OAS2: variants seen among roughly 807,000 people sequenced by gnomAD.
OAS2 encodes the protein 2'-5'-oligoadenylate synthetase 2.
In OAS2, 67 loss-of-function variants were observed where a neutral mutation model predicts 71.3. That is an observed-to-expected ratio of 0.94 (90% CI 0.77 to 1.15). OAS2 has a LOEUF of 1.15. Ranked by LOEUF, OAS2 falls within the 50% of genes most tolerant of loss-of-function variation. OAS2 has a pLI of 0.00. For missense variants in OAS2, 789 were observed against 822.5 expected (o/e 0.96, Z 0.50); for synonymous variants, 327 against 321.8 (o/e 1.02, Z -0.17).
Position 113,009,358 on chromosome 12 carries a change from G to C in OAS2, c.*103G>C. On this transcript the variant is annotated 3_prime_UTR_variant, in exon 10 of 10. Transcript: ENST00000392583. ...CTCAGACACAAATAAAGGAAACCCA[G>C]CTCACAGGAGCTTAAACAGCTGGTC... is the stretch of plus-strand genomic sequence containing the variant. 1 of 1,531,792 alleles carries C rather than the reference G, an allele frequency of 6.5e-7. No individual in the cohort carries two copies. Among genetic ancestry groups the C allele is most frequent in the South Asian group, 1.3e-5 (1 of 75,514 alleles). 94.9% of individuals were successfully genotyped at this position (1,531,792 alleles called of 1,614,324 possible).
intron 6 of OAS2, among the ~76,000 whole-genome samples, chr12:113,003,856 A>G (rs988716820): frequency 6.6e-6 from 1 of 152,240 alleles, no homozygotes; most frequent in African/African-American, 2.4e-5. Context: ...CAACTAGAGA[A>G]GAGGGGCCTG....
chr12:113,004,817 T>C (rs2044316026), intron 6 of OAS2, 117 bp from the exon 7 acceptor site: 1 of 942,776 alleles, frequency 1.1e-6, no homozygotes, highest in Non-Finnish European at 1.6e-6. Flanking sequence ...CACTGAACCC[T>C]AACGCAGAAC....
At chr12:112,992,038 GTAGA>G (rs140698274) in intron 2 of OAS2, among the ~76,000 whole-genome samples, 17,023 of 151,964 alleles carry the variant, frequency 0.11, 1,315 homozygotes, top group East Asian at 0.31. Context: ...TATGGATGAG[GTAGA>G]TAGATGGATA....
In OAS2 at chr12:113,005,120, C is replaced by A; in HGVS notation, c.1366C>A (p.Pro456Thr). ...GGAGGAGCTTGAAGTCAGCTTTGAG[C>A]CTCCCAAGTGGAAGGCTCCCAGGGT... ...KEEELEVSFEPPKWKAPRVLS... is the reference protein window; with the variant it reads ...KEEELEVSFETPKWKAPRVLS... The change falls in exon 7 of 10, where the codon CCT becomes ACT. Residue 456 changes from proline (P) to threonine (T), a missense_variant. Transcript: ENST00000392583. 6.2e-7 allele frequency: 1 copy of A among 1,614,128 alleles called. No homozygotes were observed. Among genetic ancestry groups the A allele is most frequent in the African/African-American group, 1.3e-5 (1 of 75,044 alleles).
rs2044362853 is a variant in OAS2, at chr12:113,009,554, A to T, written c.*299A>T. 1.9e-6 allele frequency: 2 copies of T among 1,079,630 alleles called. No homozygotes were observed. The highest frequency in any genetic ancestry group is 2.2e-6 in the Non-Finnish European group (2 of 891,080). The allele number at this position is 1,079,630 out of a possible 1,614,324, so 66.9% of individuals were successfully genotyped here. ...TTGTCAAACGTTCCCCTGGGTTCACAGATCTTTCTGCCTTTGGCTTTTGGC... is the reference window on the plus strand; with the variant it reads ...TTGTCAAACGTTCCCCTGGGTTCACTGATCTTTCTGCCTTTGGCTTTTGGC... On this transcript the variant is annotated 3_prime_UTR_variant, in exon 10 of 10. Coordinates refer to ENST00000392583, the MANE Select transcript of OAS2 (RefSeq NM_002535.3).
At chr12:112,984,115 G>C (rs559676267) in intron 1 of OAS2, among the ~76,000 whole-genome samples, 1 of 152,206 alleles carries the variant, frequency 6.6e-6, no homozygotes, top group African/African-American at 2.4e-5. Context: ...TACCAAAAGT[G>C]AGATGAAGTT....
intron 5 of OAS2, among the ~76,000 whole-genome samples, chr12:113,000,552 A>G (rs922670864): frequency 6.6e-6 from 1 of 151,296 alleles, no homozygotes; most frequent in Non-Finnish European, 1.5e-5. Context: ...ACACACATGT[A>G]CTCACACCAT....
At chr12:112,988,817 C>A (rs2044164754) in intron 2 of OAS2, 1 of 764,816 alleles carries the variant, frequency 1.3e-6, no homozygotes, top group Non-Finnish European at 1.6e-6. Context: ...TCTGTACCTG[C>A]CTTGAATTCT....
chr12:112,991,750 C>T (rs1017302169), intron 2 of OAS2, among the ~76,000 whole-genome samples: 7 of 152,106 alleles, frequency 4.6e-5, no homozygotes, highest in Non-Finnish European at 2.9e-5. Flanking sequence ...TCCCTTTAAC[C>T]GAGTGATTTT....
rs758935914 is a variant in OAS2 at position 113,005,128 on chromosome 12, G to A, written c.1374G>A (p.Lys458=). The change falls in exon 7 of 10, where the codon AAG becomes AAA. Residue 458 remains lysine (K), a synonymous_variant. Transcript: ENST00000392583. Reference sequence around the variant, plus strand: ...TTGAAGTCAGCTTTGAGCCTCCCAAGTGGAAGGCTCCCAGGGTGCTGAGCT... The same window carrying A: ...TTGAAGTCAGCTTTGAGCCTCCCAAATGGAAGGCTCCCAGGGTGCTGAGCT... ...EELEVSFEPP[K]WKAPRVLSFS... The A allele has an allele frequency of 1.2e-6, 2 of 1,614,082 alleles. No individual in the cohort carries two copies. Among genetic ancestry groups the A allele is most frequent in the South Asian group, 2.2e-5 (2 of 91,076 alleles).
At chr12:112,984,063 C>T (rs1206260648) in intron 1 of OAS2, among the ~76,000 whole-genome samples, 1 of 151,832 alleles carries the variant, frequency 6.6e-6, no homozygotes, top group Non-Finnish European at 1.5e-5. Flanking sequence ...AGACTAAGTC[C>T]AGTATTTCTT....
At chr12:113,008,301 T>C (rs779979468) in intron 9 of OAS2, among the ~76,000 whole-genome samples, 13 of 151,834 alleles carry the variant, frequency 8.6e-5, no homozygotes, top group Non-Finnish European at 1.8e-4. Flanking sequence ...CCTTCAAGAA[T>C]AGTAAGAAAT....
At position 112,978,697 on chromosome 12, in the gene OAS2, G is replaced by T; in HGVS notation, c.89G>T (p.Cys30Phe). 1 of 1,614,196 alleles carries T rather than the reference G, an allele frequency of 6.2e-7. No homozygotes were observed. The highest frequency in any genetic ancestry group is 1.1e-5 in the South Asian group (1 of 91,080). ...IQEYLKPYEE[C>F]QTLIDEMVNT... ...GAATACCTGAAGCCCTACGAAGAAT[G>T]TCAGACACTGATCGACGAGATGGTG... The change falls in exon 1 of 10, where the codon TGT becomes TTT. Residue 30 changes from cysteine (C) to phenylalanine (F), a missense_variant. By Grantham distance (205) the Cys-to-Phe change is radical. Transcript: ENST00000392583. This position sits in a 1 kb window ranked among gnomAD's most constrained non-coding sequence, Gnocchi z 4.2.
At position 113,006,406 on chromosome 12, in the gene OAS2, A is replaced by T. The variant is rs1417412954; in HGVS notation, c.1469-7A>T. ...AAAGCAGGATGTCAATCTCTCCCTC[A>T]TGCCAGGTCAGCTGAGTTCTGGCTC... is the stretch of plus-strand genomic sequence containing the variant. On this transcript the variant is annotated splice_region_variant and splice_polypyrimidine_tract_variant and intron_variant, in intron 7 of 9. Coordinates refer to ENST00000392583, the MANE Select transcript of OAS2 (RefSeq NM_002535.3). The T allele has an allele frequency of 1.1e-5, 17 of 1,537,102 alleles. No individual in the cohort carries two copies. Among genetic ancestry groups the T allele is most frequent in the African/African-American group, 1.4e-5 (1 of 73,038 alleles).
rs768996464 is a variant in OAS2 at position 113,010,025 on chromosome 12, G to A, written c.*770G>A. 1.0e-6 allele frequency: 1 copy of A among 971,500 alleles called. No individual in the cohort carries two copies. Among genetic ancestry groups the A allele is most frequent in the Non-Finnish European group, 1.2e-6 (1 of 813,952 alleles). The allele number at this position is 971,500 out of a possible 1,614,324, so 60.2% of individuals were successfully genotyped here. A position where few individuals can be genotyped will look rare whatever the true frequency, so the allele number is the denominator to read the frequency against. ...TTGTTTGGAGGCTCTCTTGTGCATT[G>A]TAGGATGTTGAGCAGCATCTCTGGC... On this transcript the variant is annotated 3_prime_UTR_variant, in exon 10 of 10. Coordinates refer to ENST00000392583, the MANE Select transcript of OAS2 (RefSeq NM_002535.3).
At chr12:113,002,108 G>A (rs986527086) in intron 5 of OAS2, among the ~76,000 whole-genome samples, 2 of 152,112 alleles carry the variant, frequency 1.3e-5, no homozygotes, top group African/African-American at 4.8e-5. Context: ...TAGGTGATGG[G>A]ATCATTCATA....
Position 113,004,948 on chromosome 12 carries a change from CA to C in OAS2, c.1197del (p.Gly400AlafsTer4). Reference sequence around the variant, plus strand: ...TTCTTCCTTAGGGAGGATCAACCGCCAAAGGCACAGCTCTGAAGACTGGCTC... The same window carrying C: ...TTCTTCCTTAGGGAGGATCAACCGCCAAGGCACAGCTCTGAAGACTGGCTC... ...IQIVRGGSTA[K>X]GTALKTGSDA... On this transcript the variant is annotated frameshift_variant, in exon 7 of 10. Coordinates refer to ENST00000392583, the MANE Select transcript of OAS2 (RefSeq NM_002535.3). LOFTEE classifies it high-confidence loss of function. The C allele has an allele frequency of 6.2e-7, 1 of 1,613,982 alleles. No individual in the cohort carries two copies.
chr12:113,000,607 A>G (rs2044275729), intron 5 of OAS2, among the ~76,000 whole-genome samples: 1 of 151,430 alleles, frequency 6.6e-6, no homozygotes, highest in East Asian at 1.9e-4. Context: ...ACACACATGC[A>G]TACATGCACT....
intron 5 of OAS2, 60 bp downstream of exon 5, chr12:112,998,470 AG>A: frequency 6.4e-7 from 1 of 1,562,788 alleles, no homozygotes; most frequent in Non-Finnish European, 8.7e-7. Flanking sequence ...CCTGACACCC[AG>A]GCTAGGTCTT....
Sources: gnomAD v4.1 joint callset for allele counts (sites outside exome capture counted in the v4.1 genomes callset) on GRCh38, gnomAD v4.1.1 for gene constraint, Gnocchi (gnomAD v3.1) non-coding constraint, MANE v1.5 for transcripts, NCBI Gene and HGNC (gene_info 2026-07-23, HGNC 2026-07-21) for gene names.